LRMDA: variants seen among roughly 807,000 people sequenced by gnomAD.
LRMDA encodes leucine rich melanocyte differentiation associated.
LRMDA carries 18 observed loss-of-function variants against 29.8 expected under a neutral mutation model. The observed-to-expected ratio is 0.60, with a 90% CI of 0.42 to 0.90. The LOEUF (loss-of-function observed/expected upper bound fraction) is 0.90. Among genes scored for constraint, LRMDA ranks in the 40% least tolerant of loss-of-function variants. LRMDA has a pLI of 0.00. For missense variants in LRMDA, 273 were observed against 273.9 expected (o/e 1.00, Z 0.02); for synonymous variants, 125 against 109.4 (o/e 1.14, Z -0.89).
chr10:76,078,634 G>C (rs763981449), intron 5 of LRMDA, among the ~76,000 whole-genome samples: 10 of 151,918 alleles, frequency 6.6e-5, no homozygotes, highest in Non-Finnish European at 1.3e-4. Context: ...AGGAGATCGA[G>C]ACCATCCTGG....
At chr10:75,685,547 C>T (rs1842071111) in intron 2 of LRMDA, among the ~76,000 whole-genome samples, 2 of 152,230 alleles carry the variant, frequency 1.3e-5, no homozygotes, top group Admixed American at 6.5e-5. Flanking sequence ...ATTCATCCAT[C>T]TATCTTCTCA....
At chr10:75,859,326 T>A (rs1844879283) in intron 2 of LRMDA, among the ~76,000 whole-genome samples, 1 of 152,118 alleles carries the variant, frequency 6.6e-6, no homozygotes, top group Non-Finnish European at 1.5e-5. Flanking sequence ...TACTCACCCC[T>A]CCCGGTGATT....
chr10:75,733,190 A>C (rs1842719902), intron 2 of LRMDA, among the ~76,000 whole-genome samples: 1 of 152,236 alleles, frequency 6.6e-6, no homozygotes, highest in African/African-American at 2.4e-5. Flanking sequence ...AGCCATGCCC[A>C]GGCCTCTGCC....
At chr10:75,823,757 T>C (rs541607761) in intron 2 of LRMDA, among the ~76,000 whole-genome samples, 6 of 147,432 alleles carry the variant, frequency 4.1e-5, no homozygotes, top group South Asian at 2.2e-4. Flanking sequence ...CCTACTTACA[T>C]ACACACACAC....
chr10:76,499,026 A>G (rs1842894307), intron 6 of LRMDA, among the ~76,000 whole-genome samples: 1 of 65,024 alleles, frequency 1.5e-5, no homozygotes, highest in Admixed American at 1.4e-4. Flanking sequence ...CATCATCATC[A>G]TTGGCCGCAT....
rs190204971 is a variant in LRMDA, at chr10:76,336,829, G to T, written c.601+12344G>T. On this transcript the variant is annotated intron_variant, in intron 6 of 6. Transcript: ENST00000611255. Reference sequence around the variant, plus strand: ...ATCCTAAATCAAGGAGAGTCAAAGAGGATAAGATGCAGTCCCTTTTTTGTT... The same window carrying T: ...ATCCTAAATCAAGGAGAGTCAAAGATGATAAGATGCAGTCCCTTTTTTGTT... Among the ~76,000 whole-genome samples the T allele has an allele frequency of 4.0e-3, 612 of 152,268 alleles. 4 individuals carry two copies. Among genetic ancestry groups the T allele is most frequent in the African/African-American group, 0.013 (534 of 41,560 alleles).
intron 2 of LRMDA, among the ~76,000 whole-genome samples, chr10:75,672,746 G>A (rs560984527): frequency 1.7e-4 from 25 of 149,882 alleles, no homozygotes; most frequent in African/African-American, 5.6e-4. Flanking sequence ...TAATTTTTAC[G>A]TTTTCAGTAG....
At chr10:76,160,667 C>T (rs1240659402) in intron 5 of LRMDA, among the ~76,000 whole-genome samples, 2 of 152,028 alleles carry the variant, frequency 1.3e-5, no homozygotes, top group Non-Finnish European at 2.9e-5. Context: ...AAAAAATTGG[C>T]CTTAAAATAT....
At position 75,469,710 on chromosome 10, in the gene LRMDA, C is replaced by T. The variant is rs375227173; in HGVS notation, c.131+31216C>T. On this transcript the variant is annotated intron_variant, in intron 2 of 6. Coordinates refer to ENST00000611255, the MANE Select transcript of LRMDA (RefSeq NM_001305581.2). Reference sequence around the variant, plus strand: ...CCTTGCTTTCCTTGGAGTTGCAGAACAATGCTAGACTTTTGCAGAGGGGTG... The same window carrying T: ...CCTTGCTTTCCTTGGAGTTGCAGAATAATGCTAGACTTTTGCAGAGGGGTG... Among the ~76,000 whole-genome samples the T allele has an allele frequency of 8.1e-4, 124 of 152,244 alleles. 2 individuals carry two copies. In the South Asian group the frequency reaches 0.025, roughly 31 times the overall value.
intron 4 of LRMDA, among the ~76,000 whole-genome samples, chr10:76,047,887 T>C (rs890859752): frequency 1.3e-5 from 2 of 152,240 alleles, no homozygotes; most frequent in Non-Finnish European, 2.9e-5. Context: ...CCACCAGCCA[T>C]GCGCTTTGAT....
rs1377285540 is a variant in LRMDA at position 76,501,015 on chromosome 10, C to T, written c.602-56194C>T. Among the ~76,000 whole-genome samples, 10 of 73,904 alleles carry T rather than the reference C, an allele frequency of 1.4e-4. 2 individuals are homozygous for T. Among genetic ancestry groups the T allele is most frequent in the Admixed American group, 3.8e-4 (3 of 7,972 alleles). 48.5% of individuals were successfully genotyped at this position (73,904 alleles called of 152,430 possible). A position where few individuals can be genotyped will look rare whatever the true frequency, so the allele number is the denominator to read the frequency against. On this transcript the variant is annotated intron_variant, in intron 6 of 6. Coordinates refer to ENST00000611255, the MANE Select transcript of LRMDA (RefSeq NM_001305581.2). The stretch of plus-strand genomic sequence containing the variant: ...GTACCTAAGAGGTAGTTTTTCAGCC[C>T]ACACTCCCTTTCTCCTTCTCCTCTC...
Position 75,801,847 on chromosome 10 carries a change from AG to A in LRMDA, c.132-234159del, listed in dbSNP as rs527858096. Among the ~76,000 whole-genome samples, 8 of 152,354 alleles carry A rather than the reference AG, an allele frequency of 5.3e-5. No homozygotes were observed. The East Asian group carries it at 1.5e-3, about 29-fold the overall frequency. On this transcript the variant is annotated intron_variant, in intron 2 of 6. Transcript: ENST00000611255. ...AAGAGAAGAAGCAGGTAGACCAGTTAGGAGGCAGTTATGACTGGTAAGAGAT... is the reference window on the plus strand; with the variant it reads ...AAGAGAAGAAGCAGGTAGACCAGTTAGAGGCAGTTATGACTGGTAAGAGAT...
chr10:75,486,065 C>G (rs372502196), intron 2 of LRMDA, among the ~76,000 whole-genome samples: 47 of 152,170 alleles, frequency 3.1e-4, no homozygotes, highest in African/African-American at 1.1e-3. Context: ...CTTATGGGTT[C>G]TAATACACAG....
chr10:75,849,049 G>A (rs1844687832), intron 2 of LRMDA, among the ~76,000 whole-genome samples: 1 of 152,150 alleles, frequency 6.6e-6, no homozygotes, highest in African/African-American at 2.4e-5. Context: ...GCCTCTGGTA[G>A]CTTCTCTGGC....
Position 76,309,371 on chromosome 10 carries a change from G to T in LRMDA, c.517-15030G>T, listed in dbSNP as rs148099093. Among the ~76,000 whole-genome samples, 65 of 152,200 alleles carry T rather than the reference G, an allele frequency of 4.3e-4. No homozygotes were observed. The East Asian group carries it at 0.012, about 29-fold the overall frequency. On this transcript the variant is annotated intron_variant, in intron 5 of 6. Transcript: ENST00000611255. ...GGTGGAGGTAATAATGAGGCAACTG[G>T]AAGGATTAATTGCGGACAAGCAGCA...
intron 2 of LRMDA, among the ~76,000 whole-genome samples, chr10:75,834,869 C>T (rs548963075): frequency 6.6e-6 from 1 of 152,214 alleles, no homozygotes; most frequent in Non-Finnish European, 1.5e-5. Flanking sequence ...TCGCTTCCTT[C>T]TGAGTCTTCA....
intron 2 of LRMDA, among the ~76,000 whole-genome samples, chr10:75,983,654 A>G (rs573425251): frequency 3.9e-4 from 60 of 152,108 alleles, no homozygotes; most frequent in African/African-American, 1.1e-3. Context: ...TACGTCTCCA[A>G]TGCTTTTCTT....
At chr10:75,930,896 T>A (rs1016890851) in intron 2 of LRMDA, among the ~76,000 whole-genome samples, 6 of 152,334 alleles carry the variant, frequency 3.9e-5, no homozygotes, top group Admixed American at 2.0e-4. Flanking sequence ...GTTATTCTTA[T>A]AGGTGATCTG....
At chr10:75,751,608 C>A (rs74360298) in intron 2 of LRMDA, among the ~76,000 whole-genome samples, 1 of 152,120 alleles carries the variant, frequency 6.6e-6, no homozygotes, top group African/African-American at 2.4e-5. Context: ...ATGGCCCTTG[C>A]CCATAGTAAG....
Sources: allele counts gnomAD v4.1 joint callset (sites outside exome capture counted in the v4.1 genomes callset), GRCh38; gene constraint gnomAD v4.1.1; transcripts MANE v1.5; gene names NCBI Gene and HGNC (gene_info 2026-07-23, HGNC 2026-07-21).